The following RAB31 variants were observed in gnomAD, a reference collection of about 807,000 sequenced individuals.
The protein encoded by RAB31 is RAB31, member RAS oncogene family.
In RAB31, 21 loss-of-function variants were observed where a neutral mutation model predicts 25.6. That is an observed-to-expected ratio of 0.82 (90% CI 0.58 to 1.18). The LOEUF is 1.18. Ranked by LOEUF, RAB31 falls within the 50% of genes most tolerant of loss-of-function variation. RAB31 has a pLI of 0.00. For missense variants in RAB31, 196 were observed against 250.1 expected (o/e 0.78, Z 1.46); for synonymous variants, 87 against 84.0 (o/e 1.04, Z -0.20).
chr18:9,786,286 G>A (rs2068432456), intron 2 of RAB31, among the ~76,000 whole-genome samples: 1 of 152,254 alleles, frequency 6.6e-6, no homozygotes. Context: ...CCCAGGGAGG[G>A]CATGGCAGCT....
intron 1 of RAB31, among the ~76,000 whole-genome samples, chr18:9,746,573 C>T (rs2068206946): frequency 6.6e-6 from 1 of 151,842 alleles, no homozygotes; most frequent in Admixed American, 6.6e-5. Context: ...ATAAGCCATA[C>T]AGACCAAGGA....
chr18:9,852,146 T>G (rs1004874679), intron 6 of RAB31, among the ~76,000 whole-genome samples: 2 of 152,138 alleles, frequency 1.3e-5, no homozygotes, highest in African/African-American at 4.8e-5. Flanking sequence ...AGTGAACCAT[T>G]GTATACTCAA....
chr18:9,855,469 A>G (rs11664798), intron 6 of RAB31, among the ~76,000 whole-genome samples: 11,624 of 152,128 alleles, frequency 0.076, 563 homozygotes, highest in Non-Finnish European at 0.11. Context: ...TGCCTGTGTA[A>G]ATAATACTGA....
intron 1 of RAB31, among the ~76,000 whole-genome samples, chr18:9,712,887 T>C (rs1219702262): frequency 6.6e-6 from 1 of 152,234 alleles, no homozygotes; most frequent in Non-Finnish European, 1.5e-5. Context: ...CTTCCCTGCT[T>C]CTGGTAAGGA....
intron 1 of RAB31, among the ~76,000 whole-genome samples, chr18:9,718,557 C>G (rs2068055752): frequency 6.6e-6 from 1 of 152,184 alleles, no homozygotes; most frequent in Non-Finnish European, 1.5e-5. Context: ...CTGCAACCAG[C>G]CTTATTTTCT....
chr18:9,765,235 C>G (rs147686358), intron 1 of RAB31, among the ~76,000 whole-genome samples: 40 of 152,168 alleles, frequency 2.6e-4, no homozygotes, highest in African/African-American at 9.4e-4. Context: ...ATTACAGGTG[C>G]GAGCCACCAC....
intron 5 of RAB31, among the ~76,000 whole-genome samples, chr18:9,826,354 T>C (rs879449754): frequency 2.7e-4 from 41 of 152,154 alleles, no homozygotes; most frequent in Middle Eastern, 3.4e-3. Flanking sequence ...CCAGCCTGGG[T>C]GACAGAGCGA....
chr18:9,727,512 C>T (rs1450168993), intron 1 of RAB31, among the ~76,000 whole-genome samples: 3 of 152,096 alleles, frequency 2.0e-5, no homozygotes, highest in African/African-American at 4.8e-5. Flanking sequence ...ACAGTGTTCT[C>T]GTTATGTTGT....
intron 3 of RAB31, among the ~76,000 whole-genome samples, chr18:9,792,572 C>G (rs3786429): frequency 0.1 from 15,667 of 152,134 alleles, 1,051 homozygotes; most frequent in South Asian, 0.14. Flanking sequence ...AGGGTGGTAA[C>G]CATGGCCCCA....
At chr18:9,854,116 C>G (rs2068803506) in intron 6 of RAB31, among the ~76,000 whole-genome samples, 1 of 151,904 alleles carries the variant, frequency 6.6e-6, no homozygotes, top group Non-Finnish European at 1.5e-5. Flanking sequence ...TGTCCTAATG[C>G]TCTCGCTCCC....
intron 3 of RAB31, among the ~76,000 whole-genome samples, chr18:9,798,973 A>T (rs978200680): frequency 2.0e-5 from 3 of 152,186 alleles, no homozygotes; most frequent in Non-Finnish European, 4.4e-5. Context: ...AGTCCCAGTT[A>T]CTTGGGAGGC....
intron 2 of RAB31, among the ~76,000 whole-genome samples, chr18:9,780,603 T>C (rs1446698484): frequency 1.3e-5 from 2 of 152,210 alleles, no homozygotes; most frequent in Non-Finnish European, 2.9e-5. Flanking sequence ...ACTTCAGGCA[T>C]TTAGGTTGTT....
chr18:9,765,981 T>C (rs1384752651), intron 1 of RAB31, among the ~76,000 whole-genome samples: 1 of 151,990 alleles, frequency 6.6e-6, no homozygotes, highest in Non-Finnish European at 1.5e-5. Context: ...GGGAGGAGTA[T>C]ATTCTCTTCC....
At chr18:9,753,553 G>A (rs2068245844) in intron 1 of RAB31, among the ~76,000 whole-genome samples, 1 of 152,150 alleles carries the variant, frequency 6.6e-6, no homozygotes, top group Non-Finnish European at 1.5e-5. Flanking sequence ...CTCAGTTTCA[G>A]GTACTATAAA....
chr18:9,853,028 C>T (rs2068797028), intron 6 of RAB31, among the ~76,000 whole-genome samples: 1 of 152,152 alleles, frequency 6.6e-6, no homozygotes, highest in Admixed American at 6.5e-5. Flanking sequence ...ATTTGTATAA[C>T]TTGGTGAAGA....
At chr18:9,803,023 C>T (rs2068521566) in intron 3 of RAB31, among the ~76,000 whole-genome samples, 1 of 152,186 alleles carries the variant, frequency 6.6e-6, no homozygotes, top group Admixed American at 6.5e-5. Context: ...TCCTTTCTTT[C>T]TCCTGCAGGC....
chr18:9,812,689 ATTTTTTTTTTTTTT>A (rs55968922), intron 3 of RAB31, among the ~76,000 whole-genome samples: 1 of 90,222 alleles, frequency 1.1e-5, no homozygotes, highest in Middle Eastern at 6.7e-3. Context: ...CCAGGATACT[ATTTTTTTTTTTTTT>A]TTTTTTTTTT....
At chr18:9,850,046 AG>A (rs1168406090) in intron 6 of RAB31, among the ~76,000 whole-genome samples, 1 of 152,188 alleles carries the variant, frequency 6.6e-6, no homozygotes, top group East Asian at 1.9e-4. Flanking sequence ...AATCCAGGAG[AG>A]AAGTGGCTTG....
chr18:9,746,375 A>G (rs770875312), intron 1 of RAB31, among the ~76,000 whole-genome samples: 1 of 147,616 alleles, frequency 6.8e-6, no homozygotes, highest in African/African-American at 2.5e-5. Context: ...TGCAATATCT[A>G]TCAAAATTCC....
Sources: allele counts gnomAD v4.1 joint callset (sites outside exome capture counted in the v4.1 genomes callset), GRCh38; gene constraint gnomAD v4.1.1; transcripts MANE v1.5; gene names NCBI Gene and HGNC (gene_info 2026-07-23, HGNC 2026-07-21).